Variants in BCR observed in about 807,000 individuals in gnomAD.
The protein encoded by BCR is breakpoint cluster region protein.
BCR carries 58 observed loss-of-function variants against 138.6 expected under a neutral mutation model. The ratio of observed to expected loss-of-function variants is 0.42; its 90% CI spans 0.34 to 0.52. The LOEUF is 0.52. BCR is among the 20% of genes least tolerant of loss of function. The probability of loss-of-function intolerance (pLI) is 0.06; values close to 1 mark genes in which losing one functional copy is unlikely to be tolerated. For missense variants in BCR, 1,599 were observed against 1,727.2 expected, an observed-to-expected ratio of 0.93 and a Z score of 1.32; for synonymous variants, 786 against 730.1, an observed-to-expected ratio of 1.08 and a Z score of -1.23.
chr22:23,191,002 A>G (rs1033642802), intron 1 of BCR, among the ~76,000 whole-genome samples: 4 of 152,062 alleles, frequency 2.6e-5, no homozygotes, highest in Middle Eastern at 3.2e-3. Context: ...GCATGATCAT[A>G]GCTCACTGTA....
intron 1 of BCR, among the ~76,000 whole-genome samples, chr22:23,203,618 C>G (rs1360161831): frequency 6.6e-6 from 1 of 152,018 alleles, no homozygotes; most frequent in Non-Finnish European, 1.5e-5. Flanking sequence ...CTGGTCCACT[C>G]TCTCATTCAG....
chr22:23,257,030 C>A (rs567652294), intron 2 of BCR, among the ~76,000 whole-genome samples: 1 of 152,240 alleles, frequency 6.6e-6, no homozygotes, highest in South Asian at 2.1e-4. Flanking sequence ...GCCTCCATGG[C>A]CCTCCCTGCA....
intron 10 of BCR, among the ~76,000 whole-genome samples, chr22:23,286,384 C>T (rs1197472827): frequency 6.6e-6 from 1 of 152,198 alleles, no homozygotes; most frequent in Non-Finnish European, 1.5e-5. Context: ...CAGCCCTTGC[C>T]CAGCTGCCCA....
In BCR at chr22:23,210,834, G is replaced by A. The variant is rs144641537; in HGVS notation, c.1279+28595G>A. Among the ~76,000 whole-genome samples the A allele has an allele frequency of 4.7e-4, 71 of 152,226 alleles. 1 individual carries two copies. Among genetic ancestry groups the A allele is most frequent in the African/African-American group, 2.4e-5 (1 of 41,524 alleles). ...CAATAGGGCATTCCTTTTTATTACC[G>A]AGGATTATTTCATCCCACAGATGGG... On this transcript the variant is annotated intron_variant, in intron 1 of 22. Transcript: ENST00000305877.
chr22:23,298,012 C>G (rs1380362693), intron 16 of BCR, among the ~76,000 whole-genome samples: 1 of 152,172 alleles, frequency 6.6e-6, no homozygotes, highest in Admixed American at 6.5e-5. Flanking sequence ...GAAGAAAAAC[C>G]CGAGCTGGAC....
chr22:23,295,360 G>GT (rs993332378), intron 16 of BCR, among the ~76,000 whole-genome samples: 4 of 152,184 alleles, frequency 2.6e-5, no homozygotes, highest in African/African-American at 9.7e-5. Context: ...CTGTCTGCGT[G>GT]TCTGTTGCGT....
intron 1 of BCR, among the ~76,000 whole-genome samples, chr22:23,220,270 C>G (rs2072809274): frequency 6.6e-6 from 1 of 152,208 alleles, no homozygotes; most frequent in Non-Finnish European, 1.5e-5. Context: ...CACCTACCGT[C>G]CATGGGATTT....
intron 1 of BCR, among the ~76,000 whole-genome samples, chr22:23,224,619 C>T (rs865989444): frequency 6.6e-5 from 10 of 152,302 alleles, no homozygotes; most frequent in Non-Finnish European, 1.3e-4. Context: ...CTGTAGCTCA[C>T]GCCTGTAATC....
At chr22:23,248,612 A>G (rs1043340526) in intron 1 of BCR, among the ~76,000 whole-genome samples, 1 of 152,062 alleles carries the variant, frequency 6.6e-6, no homozygotes, top group Non-Finnish European at 1.5e-5. Context: ...TTGGGTTGCT[A>G]AGCAAACTGC....
chr22:23,243,680 G>A (rs138263187), intron 1 of BCR, among the ~76,000 whole-genome samples: 5,264 of 148,120 alleles, frequency 0.036, 128 homozygotes, highest in Middle Eastern at 0.062. Context: ...ATGGAGCCTC[G>A]CTCTGTTGCC....
chr22:23,187,649 T>C (rs2072362754), intron 1 of BCR, among the ~76,000 whole-genome samples: 1 of 152,134 alleles, frequency 6.6e-6, no homozygotes, highest in South Asian at 2.1e-4. Flanking sequence ...CTTTTTCTTT[T>C]TTTCCCCCAT....
intron 4 of BCR, chr22:23,263,420 G>C (rs939736290): frequency 3.3e-5 from 43 of 1,306,234 alleles, no homozygotes; most frequent in South Asian, 1.8e-4. Flanking sequence ...AGGTGTCTCA[G>C]AACTGGATAG....
At chr22:23,184,382 C>T (rs1209349344) in intron 1 of BCR, among the ~76,000 whole-genome samples, 2 of 152,268 alleles carry the variant, frequency 1.3e-5, no homozygotes, top group South Asian at 2.1e-4. Flanking sequence ...TGAGACACCT[C>T]ACCAGGCCTC....
chr22:23,273,820 T>C (rs759036663), intron 8 of BCR, 46 bp downstream of exon 8: 1 of 1,609,608 alleles, frequency 6.2e-7, no homozygotes, highest in Non-Finnish European at 8.5e-7. Flanking sequence ...CCTGCTGAGC[T>C]GGGGGCATGC....
chr22:23,192,443 A>G (rs1301904300), intron 1 of BCR, among the ~76,000 whole-genome samples: 1 of 152,222 alleles, frequency 6.6e-6, no homozygotes, highest in Non-Finnish European at 1.5e-5. Flanking sequence ...GGTGCTCAGT[A>G]CAGTCAGGCA....
chr22:23,287,820 G>A (rs1013701607), intron 11 of BCR, among the ~76,000 whole-genome samples: 1 of 152,202 alleles, frequency 6.6e-6, no homozygotes, highest in Non-Finnish European at 1.5e-5. Context: ...GATCCCACCT[G>A]GTTACCTCCA....
At chr22:23,269,624 C>G (rs553532162) in intron 5 of BCR, among the ~76,000 whole-genome samples, 58 of 152,206 alleles carry the variant, frequency 3.8e-4, no homozygotes, top group Non-Finnish European at 7.2e-4. Flanking sequence ...GCACCCTGCT[C>G]CGCCAGGTGC....
chr22:23,247,809 T>C (rs1279073876), intron 1 of BCR, among the ~76,000 whole-genome samples: 1 of 152,232 alleles, frequency 6.6e-6, no homozygotes, highest in Non-Finnish European at 1.5e-5. Context: ...AGTGGAATCA[T>C]AACAATATTT....
At chr22:23,198,151 G>T (rs919237795) in intron 1 of BCR, 4 of 323,974 alleles carry the variant, frequency 1.2e-5, no homozygotes, top group African/African-American at 9.1e-5. Context: ...CAGAAGCCAG[G>T]CTCCAAGTGA....
Sources: allele counts gnomAD v4.1 joint callset (sites outside exome capture counted in the v4.1 genomes callset), GRCh38; gene constraint gnomAD v4.1.1; transcripts MANE v1.5; gene names NCBI Gene and HGNC (gene_info 2026-07-23, HGNC 2026-07-21).